The following ZCCHC7 variants were observed in gnomAD, a reference collection of about 807,000 sequenced individuals.
ZCCHC7 encodes the protein zinc finger CCHC domain-containing protein 7.
In ZCCHC7, 35 loss-of-function variants were observed where a neutral mutation model predicts 52.0. The ratio of observed to expected loss-of-function variants is 0.67; its 90% CI spans 0.51 to 0.89. The LOEUF is 0.89. ZCCHC7 is among the 40% of genes least tolerant of loss of function. The pLI is 0.00. For missense variants in ZCCHC7, 574 were observed against 649.1 expected, an observed-to-expected ratio of 0.88 and a Z score of 1.26; for synonymous variants, 217 against 221.5, an observed-to-expected ratio of 0.98 and a Z score of 0.18.
intron 2 of ZCCHC7, among the ~76,000 whole-genome samples, chr9:37,235,866 G>A (rs1825627391): frequency 6.6e-6 from 1 of 151,682 alleles, no homozygotes; most frequent in Non-Finnish European, 1.5e-5. Context: ...GGGATTACAG[G>A]TGTGAGCCAC....
intron 2 of ZCCHC7, among the ~76,000 whole-genome samples, chr9:37,275,602 T>C (rs957580027): frequency 4.6e-5 from 7 of 152,180 alleles, no homozygotes; most frequent in African/African-American, 1.7e-4. Context: ...ATGGTATGTT[T>C]ATCTTCCACT....
chr9:37,286,073 A>G (rs1453952404), intron 2 of ZCCHC7, among the ~76,000 whole-genome samples: 5 of 152,214 alleles, frequency 3.3e-5, no homozygotes, highest in Non-Finnish European at 7.3e-5. Context: ...TCCCATTAGT[A>G]ATTGTCATGT....
chr9:37,142,793 A>G (rs1004479747), intron 2 of ZCCHC7, among the ~76,000 whole-genome samples: 1 of 151,814 alleles, frequency 6.6e-6, no homozygotes, highest in South Asian at 2.1e-4. Flanking sequence ...GTAATTATTG[A>G]GAAACTTGAA....
At chr9:37,166,608 G>T (rs1281521460) in intron 2 of ZCCHC7, among the ~76,000 whole-genome samples, 3 of 151,364 alleles carry the variant, frequency 2.0e-5, no homozygotes, top group Non-Finnish European at 4.4e-5. Flanking sequence ...TGTTTACAGT[G>T]GATTTTATTT....
At chr9:37,158,455 C>A (rs1292871141) in intron 2 of ZCCHC7, among the ~76,000 whole-genome samples, 1 of 152,046 alleles carries the variant, frequency 6.6e-6, no homozygotes, top group Non-Finnish European at 1.5e-5. Context: ...GGGTAGTGAT[C>A]AAGGAATGGA....
intron 5 of ZCCHC7, chr9:37,327,513 G>A (rs1303300231): frequency 5.6e-6 from 2 of 358,126 alleles, no homozygotes; most frequent in Non-Finnish European, 1.0e-5. Context: ...GTTTAACTGA[G>A]TTATGGCTCT....
Position 37,304,199 on chromosome 9 carries a change from T to C in ZCCHC7, c.666T>C (p.Ala222=). 1 of 1,611,406 alleles carries C rather than the reference T, an allele frequency of 6.2e-7. No individual in the cohort carries two copies. The highest frequency in any genetic ancestry group is 8.5e-7 in the Non-Finnish European group (1 of 1,179,114). ...ISDKDIEAQI[A]NNRTPGRWTQ... ...TTTTTTTCCCTTAGGCCCAGATAGC[T>C]AATAACCGAACACCTGGAAGATGGA... Residue 222 remains alanine (A), a synonymous_variant, in exon 4 of 9, where the codon GCT becomes GCC. Transcript: ENST00000336755.
chr9:37,176,404 G>A (rs183419239), intron 2 of ZCCHC7, among the ~76,000 whole-genome samples: 43 of 152,228 alleles, frequency 2.8e-4, no homozygotes, highest in African/African-American at 1.0e-3. Flanking sequence ...CTTTCATTAA[G>A]GTAGCCTAGG....
chr9:37,352,846 C>A, intron 7 of ZCCHC7, among the ~76,000 whole-genome samples: 1 of 151,718 alleles, frequency 6.6e-6, no homozygotes, highest in African/African-American at 2.4e-5. Context: ...TTTATGTTAC[C>A]ATGTAAGTTT....
intron 2 of ZCCHC7, among the ~76,000 whole-genome samples, chr9:37,294,507 C>A (rs530179479): frequency 6.6e-6 from 1 of 152,200 alleles, no homozygotes; most frequent in South Asian, 2.1e-4. Flanking sequence ...AGTGTTATTT[C>A]AGTAATGGCA....
intron 2 of ZCCHC7, among the ~76,000 whole-genome samples, chr9:37,144,171 G>T (rs1225535578): frequency 6.6e-6 from 1 of 151,752 alleles, no homozygotes; most frequent in Non-Finnish European, 1.5e-5. Flanking sequence ...TAAGAGTAAG[G>T]CCTAGCATTT....
intron 2 of ZCCHC7, among the ~76,000 whole-genome samples, chr9:37,180,501 A>G (rs1822291414): frequency 3.3e-5 from 5 of 151,700 alleles, no homozygotes; most frequent in Admixed American, 3.3e-4. Flanking sequence ...AAATTGCTGT[A>G]GTTTCACAAT....
chr9:37,212,026 CAAAAAAAAAAAAAAAAAAAAAAAAA>C (rs574190937), intron 2 of ZCCHC7, among the ~76,000 whole-genome samples: 612 of 55,452 alleles, frequency 0.011, 11 homozygotes, highest in Non-Finnish European at 0.016. Flanking sequence ...GACTCCGTCT[CAAAAAAAAAAAAAAAAAAAAAAAAA>C]AAAAAAAAAA....
Position 37,168,896 on chromosome 9 carries a change from C to T in ZCCHC7, c.610+41954C>T, listed in dbSNP as rs981728148. Among the ~76,000 whole-genome samples the T allele has an allele frequency of 7.2e-5, 11 of 152,248 alleles. No individual in the cohort carries two copies. The South Asian group carries it at 1.5e-3, about 20-fold the overall frequency. On this transcript the variant is annotated intron_variant, in intron 2 of 8. Coordinates refer to ENST00000336755, the MANE Select transcript of ZCCHC7 (RefSeq NM_032226.3). ...TCTAGTAGGGGAGACAGAGTCACAG[C>T]CGTAATGACAGAAACCAGTGCATTA...
intron 2 of ZCCHC7, among the ~76,000 whole-genome samples, chr9:37,157,169 T>C (rs2132873595): frequency 6.7e-6 from 1 of 150,188 alleles, no homozygotes; most frequent in Admixed American, 6.6e-5. Context: ...TAGTAGTCAT[T>C]GTATTCTTCA....
chr9:37,228,570 C>T (rs1473919625), intron 2 of ZCCHC7, among the ~76,000 whole-genome samples: 1 of 151,738 alleles, frequency 6.6e-6, no homozygotes, highest in African/African-American at 2.4e-5. Flanking sequence ...GTAGAGACAG[C>T]ATTTCAGTTT....
chr9:37,141,307 T>G (rs895991989), intron 2 of ZCCHC7, among the ~76,000 whole-genome samples: 1 of 151,408 alleles, frequency 6.6e-6, no homozygotes, highest in Non-Finnish European at 1.5e-5. Flanking sequence ...TTTTTTTTTT[T>G]AAATTTGTTT....
intron 2 of ZCCHC7, among the ~76,000 whole-genome samples, chr9:37,237,558 C>G (rs1825708886): frequency 6.6e-6 from 1 of 152,192 alleles, no homozygotes; most frequent in South Asian, 2.1e-4. Context: ...GTAAACCTCT[C>G]TGAGTCAGGA....
At chr9:37,240,366 G>GT (rs1825825052) in intron 2 of ZCCHC7, among the ~76,000 whole-genome samples, 2 of 151,738 alleles carry the variant, frequency 1.3e-5, no homozygotes, top group Admixed American at 1.3e-4. Flanking sequence ...ATTAAGTATT[G>GT]TTAGAGAATT....
Sources: gnomAD v4.1 joint callset for allele counts (sites outside exome capture counted in the v4.1 genomes callset) on GRCh38, gnomAD v4.1.1 for gene constraint, MANE v1.5 for transcripts, NCBI Gene and HGNC (gene_info 2026-07-23, HGNC 2026-07-21) for gene names.